The following ZDHHC14 variants were observed in gnomAD, a reference collection of about 807,000 sequenced individuals.
ZDHHC14 encodes the protein palmitoyltransferase ZDHHC14.
In ZDHHC14, 16 loss-of-function variants were observed where a neutral mutation model predicts 47.7. The observed-to-expected ratio is 0.34, with a 90% CI of 0.23 to 0.51. The LOEUF is 0.51. Among genes scored for constraint, ZDHHC14 ranks in the 20% least tolerant of loss-of-function variants. The pLI is 0.97. For synonymous variants in ZDHHC14, 293 were observed against 278.9 expected, an observed-to-expected ratio of 1.05 and a Z score of -0.50; for missense variants, 515 against 662.5, an observed-to-expected ratio of 0.78 and a Z score of 2.44.
At chr6:157,599,824 G>T (rs1337209376) in intron 3 of ZDHHC14, among the ~76,000 whole-genome samples, 4 of 152,182 alleles carry the variant, frequency 2.6e-5, no homozygotes. Context: ...GTAAGACAAA[G>T]AAATTAACAA....
chr6:157,589,234 C>T (rs1783815333), intron 2 of ZDHHC14, among the ~76,000 whole-genome samples: 1 of 152,134 alleles, frequency 6.6e-6, no homozygotes, highest in Non-Finnish European at 1.5e-5. Flanking sequence ...CTCATGATAA[C>T]TCACTATCAG....
At chr6:157,604,331 T>A (rs1784447610) in intron 3 of ZDHHC14, among the ~76,000 whole-genome samples, 1 of 150,718 alleles carries the variant, frequency 6.6e-6, no homozygotes, top group East Asian at 1.9e-4. Flanking sequence ...ACCTGAAGGA[T>A]ACTGGAGGCT....
intron 1 of ZDHHC14, among the ~76,000 whole-genome samples, chr6:157,455,956 A>AAGGG (rs1370712642): frequency 2.0e-5 from 3 of 152,176 alleles, no homozygotes; most frequent in Admixed American, 1.3e-4. Context: ...CACCCCTTTA[A>AAGGG]TCTGACTTGT....
At chr6:157,430,177 G>A (rs760607320) in intron 1 of ZDHHC14, among the ~76,000 whole-genome samples, 33 of 152,096 alleles carry the variant, frequency 2.2e-4, no homozygotes, top group Non-Finnish European at 4.6e-4. Flanking sequence ...TTAGCTGGGC[G>A]TGGTGGTGTG....
chr6:157,432,389 G>C (rs1258347247), intron 1 of ZDHHC14, among the ~76,000 whole-genome samples: 2 of 152,140 alleles, frequency 1.3e-5, no homozygotes, highest in African/African-American at 2.4e-5. Context: ...CGGAGGCTGT[G>C]GGGGAGAGTG....
chr6:157,540,684 A>G (rs1781711268), intron 1 of ZDHHC14, among the ~76,000 whole-genome samples: 1 of 151,980 alleles, frequency 6.6e-6, no homozygotes, highest in Non-Finnish European at 1.5e-5. Context: ...AGGGGGAAAA[A>G]CGTGGGCTTG....
chr6:157,587,333 G>T (rs1343403130), intron 2 of ZDHHC14, among the ~76,000 whole-genome samples: 1 of 152,212 alleles, frequency 6.6e-6, no homozygotes, highest in Admixed American at 6.5e-5. Flanking sequence ...GTGCTCAGGG[G>T]AAGCACACAG....
intron 1 of ZDHHC14, among the ~76,000 whole-genome samples, chr6:157,447,961 T>C (rs1220337689): frequency 6.6e-6 from 1 of 152,136 alleles, no homozygotes; most frequent in Non-Finnish European, 1.5e-5. Context: ...AGCCTCAAAC[T>C]CCTAGGCTCA....
intron 1 of ZDHHC14, among the ~76,000 whole-genome samples, chr6:157,430,311 TAA>T (rs67359917): frequency 0.29 from 27,971 of 95,790 alleles, 3,112 homozygotes; most frequent in African/African-American, 0.36. Flanking sequence ...CAAGACTGTG[TAA>T]AAAAAAAAAA....
At chr6:157,660,380 A>G (rs962901916) in intron 8 of ZDHHC14, among the ~76,000 whole-genome samples, 1 of 151,980 alleles carries the variant, frequency 6.6e-6, no homozygotes, top group Non-Finnish European at 1.5e-5. Context: ...TTTAGTAGAG[A>G]TGGCATTTCA....
chr6:157,613,502 G>A (rs1488706949), intron 3 of ZDHHC14, among the ~76,000 whole-genome samples: 1 of 152,132 alleles, frequency 6.6e-6, no homozygotes, highest in Non-Finnish European at 1.5e-5. Flanking sequence ...CTTATGCCGG[G>A]GTTAGCCCAG....
rs549393541 is a variant in ZDHHC14 at position 157,446,389 on chromosome 6, T to G, written c.245+64123T>G. Among the ~76,000 whole-genome samples, 7 of 150,354 alleles carry G rather than the reference T, an allele frequency of 4.7e-5. No individual in the cohort carries two copies. The East Asian group carries it at 1.4e-3, about 29-fold the overall frequency. On this transcript the variant is annotated intron_variant, in intron 1 of 8. Coordinates refer to ENST00000359775, the MANE Select transcript of ZDHHC14 (RefSeq NM_024630.3). ...CCTCCAGTTGGTATATATCTCTTCC[T>G]TTTTTTTTGGTTTTTTTGTTTTGTT...
At chr6:157,545,376 A>T (rs923855365) in intron 2 of ZDHHC14, among the ~76,000 whole-genome samples, 1 of 115,038 alleles carries the variant, frequency 8.7e-6, no homozygotes, top group African/African-American at 3.8e-5. Context: ...ATGAAGATGT[A>T]AAAAAAAAAG....
chr6:157,391,843 A>G (rs1368016243), intron 1 of ZDHHC14, among the ~76,000 whole-genome samples: 3 of 152,176 alleles, frequency 2.0e-5, no homozygotes, highest in Non-Finnish European at 2.9e-5. Context: ...TGCTCTCACA[A>G]CTTTCAACTT....
chr6:157,433,823 G>A (rs749168043), intron 1 of ZDHHC14, among the ~76,000 whole-genome samples: 12 of 152,300 alleles, frequency 7.9e-5, no homozygotes, highest in Non-Finnish European at 1.5e-4. Context: ...GGCATGTGCT[G>A]TGAAAATGGT....
At chr6:157,546,323 T>C (rs891439407) in intron 2 of ZDHHC14, among the ~76,000 whole-genome samples, 4 of 152,256 alleles carry the variant, frequency 2.6e-5, no homozygotes, top group African/African-American at 7.2e-5. Flanking sequence ...ATTTGGAAAC[T>C]TTTTATGGTT....
At chr6:157,576,562 C>T (rs1256904549) in intron 2 of ZDHHC14, among the ~76,000 whole-genome samples, 2 of 152,212 alleles carry the variant, frequency 1.3e-5, no homozygotes, top group African/African-American at 4.8e-5. Context: ...CAGAGCACGA[C>T]TAAAATGAGC....
At chr6:157,490,170 G>A (rs1156972749) in intron 1 of ZDHHC14, among the ~76,000 whole-genome samples, 1 of 152,188 alleles carries the variant, frequency 6.6e-6, no homozygotes, top group Non-Finnish European at 1.5e-5. Context: ...GGGGGAACAG[G>A]TCTTTTATGG....
At chr6:157,423,678 G>A (rs912965758) in intron 1 of ZDHHC14, among the ~76,000 whole-genome samples, 4 of 152,228 alleles carry the variant, frequency 2.6e-5, no homozygotes, top group South Asian at 2.1e-4. Context: ...GACATAAGAC[G>A]GTGGCAAAAT....
Sources: allele counts gnomAD v4.1 joint callset (sites outside exome capture counted in the v4.1 genomes callset), GRCh38; gene constraint gnomAD v4.1.1; transcripts MANE v1.5; gene names NCBI Gene and HGNC (gene_info 2026-07-23, HGNC 2026-07-21).